RANBP17: variants seen among roughly 807,000 people sequenced by gnomAD.
RANBP17 encodes RAN binding protein 17, also known as ran-binding protein 17.
RANBP17 carries 158 observed loss-of-function variants against 141.2 expected under a neutral mutation model. That is an observed-to-expected ratio of 1.12 (90% confidence interval 0.98 to 1.28). The LOEUF (loss-of-function observed/expected upper bound fraction) is 1.28. Ranked by LOEUF, RANBP17 falls within the 50% of genes most tolerant of loss-of-function variation. RANBP17 has a pLI of 0.00. For missense variants in RANBP17, 1,438 were observed against 1,290.7 expected, an observed-to-expected ratio of 1.11 and a Z score of -1.75; for synonymous variants, 430 against 450.0, an observed-to-expected ratio of 0.96 and a Z score of 0.56.
rs140941845 is a variant in RANBP17, at chr5:171,262,925, G to A, written c.2777-2756G>A. 7.9e-5 allele frequency among the ~76,000 whole-genome samples: 12 copies of A among 152,212 alleles called. No individual in the cohort carries two copies. The East Asian group carries it at 1.7e-3, about 22-fold the overall frequency. On this transcript the variant is annotated intron_variant, in intron 24 of 27. Coordinates refer to ENST00000523189, the MANE Select transcript of RANBP17 (RefSeq NM_022897.5). ...ATTTTCCTCTGTGTTAAATGCATAC[G>A]ACTGTATTTCAAAACTTGCCCCAAA...
At chr5:171,035,693 T>G (rs1205735059) in intron 14 of RANBP17, among the ~76,000 whole-genome samples, 1 of 151,000 alleles carries the variant, frequency 6.6e-6, no homozygotes, top group African/African-American at 2.4e-5. Flanking sequence ...GTAGCCCAGA[T>G]TCTGAACTTT....
At chr5:170,908,091 A>G (rs1771217412) in intron 5 of RANBP17, among the ~76,000 whole-genome samples, 1 of 152,068 alleles carries the variant, frequency 6.6e-6, no homozygotes, top group African/African-American at 2.4e-5. Context: ...AAATTAGTTC[A>G]GCCACTGTGG....
chr5:171,104,329 G>A (rs548408087), intron 14 of RANBP17, among the ~76,000 whole-genome samples: 11 of 152,252 alleles, frequency 7.2e-5, no homozygotes, highest in Admixed American at 2.6e-4. Flanking sequence ...GAGCCACCGC[G>A]CCTGGCCTGT....
chr5:171,150,642 T>A (rs888361774), intron 14 of RANBP17, among the ~76,000 whole-genome samples: 8 of 152,222 alleles, frequency 5.3e-5, no homozygotes, highest in African/African-American at 1.9e-4. Flanking sequence ...CCTCATTTTA[T>A]AGATGAAGAA....
At chr5:170,918,881 T>C (rs766676906) in intron 10 of RANBP17, 22 bp downstream of exon 10, 1 of 1,499,994 alleles carries the variant, frequency 6.7e-7, no homozygotes, top group Admixed American at 2.0e-5. Flanking sequence ...TATGTAATTA[T>C]GTTAAACTGT....
At chr5:171,029,939 G>GA (rs536372440) in intron 14 of RANBP17, among the ~76,000 whole-genome samples, 2 of 151,786 alleles carry the variant, frequency 1.3e-5, no homozygotes, top group East Asian at 1.9e-4. Flanking sequence ...ATTTGGTTGT[G>GA]AAAAAAACAG....
chr5:171,046,533 G>A (rs1049332674), intron 14 of RANBP17, among the ~76,000 whole-genome samples: 17 of 151,992 alleles, frequency 1.1e-4, no homozygotes, highest in African/African-American at 3.6e-4. Context: ...TGGCTGCATT[G>A]TAATTTTATG....
intron 2 of RANBP17, among the ~76,000 whole-genome samples, chr5:170,880,067 C>A (rs1385954183): frequency 6.6e-6 from 1 of 152,144 alleles, no homozygotes; most frequent in Non-Finnish European, 1.5e-5. Context: ...ATATGTTTTA[C>A]CACTAGTGTG....
intron 19 of RANBP17, among the ~76,000 whole-genome samples, chr5:171,205,192 G>A: frequency 6.6e-6 from 1 of 152,108 alleles, no homozygotes; most frequent in East Asian, 1.9e-4. Flanking sequence ...ATAATGTCTA[G>A]ACCCTGTACA....
intron 14 of RANBP17, among the ~76,000 whole-genome samples, chr5:171,145,477 G>C (rs181686541): frequency 6.6e-6 from 1 of 152,042 alleles, no homozygotes; most frequent in African/African-American, 2.4e-5. Flanking sequence ...TATTCTAAAG[G>C]CCATAGGAGT....
At chr5:171,006,651 C>T (rs11742002) in intron 14 of RANBP17, among the ~76,000 whole-genome samples, 92,753 of 151,318 alleles carry the variant, frequency 0.61, 29,732 homozygotes, top group South Asian at 0.88. Flanking sequence ...TGTTACATGA[C>T]GAGTTAATGG....
At chr5:171,219,236 T>C (rs1394942946) in intron 21 of RANBP17, among the ~76,000 whole-genome samples, 1 of 152,242 alleles carries the variant, frequency 6.6e-6, no homozygotes, top group African/African-American at 2.4e-5. Context: ...TCTTCTGGCG[T>C]ATACAGTTTC....
intron 5 of RANBP17, chr5:170,897,101 GA>G: frequency 1.2e-6 from 1 of 833,340 alleles, no homozygotes; most frequent in Non-Finnish European, 2.0e-6. Flanking sequence ...TGACATGGTA[GA>G]AGGGATAGTG....
chr5:170,865,352 C>T (rs1237527076), intron 1 of RANBP17, among the ~76,000 whole-genome samples: 3 of 152,070 alleles, frequency 2.0e-5, no homozygotes, highest in African/African-American at 4.8e-5. Flanking sequence ...AGTGAGCCAC[C>T]GCGCCCGGCC....
chr5:171,089,319 C>A (rs1386509789), intron 14 of RANBP17, among the ~76,000 whole-genome samples: 1 of 121,894 alleles, frequency 8.2e-6, no homozygotes, highest in Non-Finnish European at 1.8e-5. Flanking sequence ...TGCCCGTTCT[C>A]AGATCTCCAG....
intron 14 of RANBP17, among the ~76,000 whole-genome samples, chr5:171,044,452 GTAA>G (rs1056042900): frequency 7.3e-5 from 11 of 151,718 alleles, no homozygotes; most frequent in African/African-American, 2.2e-4. Flanking sequence ...TTTTGCTTTT[GTAA>G]TAATAACATT....
At chr5:171,270,350 G>A (rs1359863937) in intron 25 of RANBP17, among the ~76,000 whole-genome samples, 1 of 152,104 alleles carries the variant, frequency 6.6e-6, no homozygotes, top group African/African-American at 2.4e-5. Flanking sequence ...AAAAACAATT[G>A]CGTCACCAGC....
chr5:171,293,167 A>G (rs1346953082), intron 25 of RANBP17, among the ~76,000 whole-genome samples: 2 of 152,122 alleles, frequency 1.3e-5, no homozygotes, highest in Non-Finnish European at 2.9e-5. Flanking sequence ...TCGCATGCCC[A>G]CTGCACTTTG....
chr5:171,061,612 G>T (rs1266864666), intron 14 of RANBP17, among the ~76,000 whole-genome samples: 2 of 152,120 alleles, frequency 1.3e-5, no homozygotes, highest in Non-Finnish European at 2.9e-5. Flanking sequence ...TAGGTGTGGT[G>T]TGGTGCTGAA....
Sources: gnomAD v4.1 joint callset for allele counts (sites outside exome capture counted in the v4.1 genomes callset) on GRCh38, gnomAD v4.1.1 for gene constraint, MANE v1.5 for transcripts, NCBI Gene and HGNC (gene_info 2026-07-23, HGNC 2026-07-21) for gene names.